Variants in PFKL observed in about 807,000 individuals in gnomAD.
PFKL encodes ATP-dependent 6-phosphofructokinase, liver type.
PFKL carries 74 observed loss-of-function variants against 92.1 expected under a neutral mutation model. The observed-to-expected ratio is 0.80, with a 90% confidence interval of 0.67 to 0.97. The LOEUF is 0.97. PFKL is among the 50% of genes least tolerant of loss of function. The probability of loss-of-function intolerance (pLI) is 0.00; values close to 1 mark genes in which losing one functional copy is unlikely to be tolerated. For synonymous variants in PFKL, 494 were observed against 456.4 expected (o/e 1.08, Z -1.05); for missense variants, 1,028 against 1,116.6 (o/e 0.92, Z 1.13).
intron 2 of PFKL, among the ~76,000 whole-genome samples, chr21:44,310,545 G>A (rs962895281): frequency 6.6e-6 from 1 of 152,192 alleles, no homozygotes; most frequent in Non-Finnish European, 1.5e-5. Context: ...AGCACGCGCC[G>A]CACACCCCGC....
rs1324057667 is a variant in PFKL at position 44,325,173 on chromosome 21, A to G, written c.1898A>G (p.Tyr633Cys). 6 of 1,611,860 alleles carry G rather than the reference A, an allele frequency of 3.7e-6. No homozygotes were observed. The highest frequency in any genetic ancestry group is 4.5e-5 in the East Asian group (2 of 44,870). Reference sequence around the variant, plus strand: ...CTCAGGAACGAGAAGTGCCATGACTACTACACCACGGAGTTCCTGTACAAC... The same window carrying G: ...CTCAGGAACGAGAAGTGCCATGACTGCTACACCACGGAGTTCCTGTACAAC... Reference protein sequence around the residue: ...LVLRNEKCHDYYTTEFLYNLY... With the variant: ...LVLRNEKCHDCYTTEFLYNLY... The change falls in exon 19 of 22, where the codon TAC (tyrosine) becomes TGC (cysteine). Residue 633 changes from tyrosine (Y) to cysteine (C), a missense_variant. By Grantham distance (194) the Tyr-to-Cys change is radical. Transcript: ENST00000349048.
rs1414947532 is a variant in PFKL, at chr21:44,326,151, G to C, written c.2090-8G>C. The C allele has an allele frequency of 1.2e-6, 2 of 1,611,888 alleles. No homozygotes were observed. ...CCATGGAGGGCTGCCACGTGCCTCT[G>C]TTTGCAGGACGGGTGTTCGCCAATG... On this transcript the variant is annotated splice_polypyrimidine_tract_variant and splice_region_variant and intron_variant, in intron 20 of 21. Coordinates refer to ENST00000349048, the MANE Select transcript of PFKL (RefSeq NM_002626.6).
At chr21:44,316,065 C>T in intron 7 of PFKL, 179 bp from the exon 8 acceptor site, 2 of 628,230 alleles carry the variant, frequency 3.2e-6, no homozygotes, top group Non-Finnish European at 5.7e-6. Flanking sequence ...TCCTAGTGGG[C>T]CCAGCCTCAT....
At chr21:44,300,405 C>G (rs1487891444) in intron 1 of PFKL, among the ~76,000 whole-genome samples, 3 of 152,032 alleles carry the variant, frequency 2.0e-5, no homozygotes, top group African/African-American at 7.2e-5. Flanking sequence ...TTCTCGGCCT[C>G]CGCCTGGGTC....
intron 15 of PFKL, 122 bp downstream of exon 15, chr21:44,323,171 C>T (rs1164430863): frequency 4.0e-5 from 32 of 791,782 alleles, no homozygotes; most frequent in East Asian, 1.6e-4. Context: ...CCGAGAGGGT[C>T]GGGGTTTTAA....
intron 11 of PFKL, chr21:44,319,704 C>T (rs191379478): frequency 3.3e-4 from 175 of 537,254 alleles, no homozygotes; most frequent in African/African-American, 2.9e-3. Context: ...GGTGGCCCCG[C>T]GGGGGCTGGG....
At chr21:44,322,493 G>A (rs555691566) in intron 14 of PFKL, among the ~76,000 whole-genome samples, 1 of 152,332 alleles carries the variant, frequency 6.6e-6, no homozygotes, top group African/African-American at 2.4e-5. Flanking sequence ...AGCCTGCACT[G>A]TCAGCACTCT....
intron 15 of PFKL, 23 bp downstream of exon 15, chr21:44,323,072 A>G (rs1165823846): frequency 3.8e-5 from 40 of 1,056,414 alleles, no homozygotes; most frequent in Non-Finnish European, 5.0e-5. Context: ...CACGGACGAA[A>G]AAGCCCCAGG....
chr21:44,316,390 G>T, intron 8 of PFKL, 42 bp from the exon 9 acceptor site: 2 of 1,612,004 alleles, frequency 1.2e-6, no homozygotes, highest in Non-Finnish European at 1.7e-6. Context: ...TCTAGGCCGT[G>T]TGGGCTGGGG....
intron 12 of PFKL, 23 bp downstream of exon 12, chr21:44,320,170 CAG>C: frequency 6.2e-7 from 1 of 1,605,692 alleles, no homozygotes; most frequent in South Asian, 1.1e-5. Flanking sequence ...GCGGCGCCCA[CAG>C]AGGGAGGAAC....
In PFKL at chr21:44,321,716, C is replaced by G; in HGVS notation, c.1192-13C>G. On this transcript the variant is annotated splice_polypyrimidine_tract_variant and intron_variant, in intron 12 of 21. Transcript: ENST00000349048. ...CGGCTGTGCCTCACGCTCATCTCCC[C>G]TTCTCTCTGAAGTCTAACTTCTCCC... The G allele has an allele frequency of 6.5e-7, 1 of 1,545,198 alleles. No homozygotes were observed. The highest frequency in any genetic ancestry group is 8.7e-7 in the Non-Finnish European group (1 of 1,145,208).
chr21:44,304,204 C>T, intron 1 of PFKL: 1 of 1,287,730 alleles, frequency 7.8e-7, no homozygotes, highest in Non-Finnish European at 1.0e-6. Flanking sequence ...TTGCAGAGCA[C>T]CCTGAAGACA....
chr21:44,323,962 T>C lies in PFKL; in HGVS notation c.1650+44T>C, dbSNP rs762793490. 5.6e-6 allele frequency: 9 copies of C among 1,607,672 alleles called. No homozygotes were observed. The Admixed American group carries it at 1.5e-4, about 27-fold the overall frequency. On this transcript the variant is annotated intron_variant, in intron 16 of 21. Transcript: ENST00000349048. ...CCGGCCTGCCATGCCCAGGCCCTTG[T>C]GGGGTGGGGCTGAGCCTACGGAGGC...
At chr21:44,304,576 G>A (rs34577649) in intron 1 of PFKL, 190,721 of 1,098,718 alleles carry the variant, frequency 0.17, 17,360 homozygotes, top group Middle Eastern at 0.23. Context: ...CAGTGAGGGT[G>A]GGGGACAGGG....
At chr21:44,306,521 C>T (rs1602000072) in intron 1 of PFKL, among the ~76,000 whole-genome samples, 160 bp from the exon 2 acceptor site, 1 of 151,844 alleles carries the variant, frequency 6.6e-6, no homozygotes, top group East Asian at 1.9e-4. Flanking sequence ...CCCTTGCCCT[C>T]TTGAGATGAG....
At position 44,323,896 on chromosome 21, in the gene PFKL, C is replaced by G; in HGVS notation, c.1628C>G (p.Thr543Ser). The G allele has an allele frequency of 3.1e-6, 5 of 1,613,510 alleles. No individual in the cohort carries two copies. Among genetic ancestry groups the G allele is most frequent in the Non-Finnish European group, 4.2e-6 (5 of 1,179,958 alleles). ...PGTDFSLGSD[T>S]AVNAAMESCD... Reference sequence around the variant, plus strand: ...ACCGACTTCAGCCTGGGCTCCGACACTGCTGTAAATGCCGCCATGGAGGTA... The same window carrying G: ...ACCGACTTCAGCCTGGGCTCCGACAGTGCTGTAAATGCCGCCATGGAGGTA... Residue 543 changes from threonine (T) to serine (S), a missense_variant, in exon 16 of 22, where the codon ACT becomes AGT. Physicochemically the swap from Thr to Ser is moderately conservative, Grantham distance 58 (BLOSUM62 1). Coordinates refer to ENST00000349048, the MANE Select transcript of PFKL (RefSeq NM_002626.6).
chr21:44,312,676 C>T (rs908847845), intron 4 of PFKL, among the ~76,000 whole-genome samples: 1 of 152,246 alleles, frequency 6.6e-6, no homozygotes, highest in Admixed American at 6.5e-5. Context: ...CCCGAGATTG[C>T]TGCTTGGAAA....
intron 7 of PFKL, 92 bp from the exon 8 acceptor site, chr21:44,316,152 G>A: frequency 8.6e-7 from 1 of 1,161,574 alleles, no homozygotes; most frequent in Non-Finnish European, 1.3e-6. Flanking sequence ...GTTGGGAATG[G>A]TGGCCCCAGG....
At position 44,319,882 on chromosome 21, in the gene PFKL, C is replaced by T. The variant is rs1211115727; in HGVS notation, c.1128-202C>T. 14 of 557,140 alleles carry T rather than the reference C, an allele frequency of 2.5e-5. No homozygotes were observed. In the East Asian group the frequency reaches 2.7e-4, roughly 11 times the overall value. 34.5% of individuals were successfully genotyped at this position (557,140 alleles called of 1,614,324 possible). Reference sequence around the variant, plus strand: ...CCACGTGCTTTGCTGCACGGGCTGGCGTGGCCTCGTGTTGTGTTGGGGGTC... The same window carrying T: ...CCACGTGCTTTGCTGCACGGGCTGGTGTGGCCTCGTGTTGTGTTGGGGGTC... On this transcript the variant is annotated intron_variant, in intron 11 of 21. Coordinates refer to ENST00000349048, the MANE Select transcript of PFKL (RefSeq NM_002626.6).
Sources: gnomAD v4.1 joint callset for allele counts (sites outside exome capture counted in the v4.1 genomes callset) on GRCh38, gnomAD v4.1.1 for gene constraint, MANE v1.5 for transcripts, NCBI Gene and HGNC (gene_info 2026-07-23, HGNC 2026-07-21) for gene names.